The following RASGRP3 variants were observed in gnomAD, a reference collection of about 807,000 sequenced individuals.
The protein encoded by RASGRP3 is ras guanyl-releasing protein 3.
A neutral mutation model predicts 82.7 loss-of-function variants in RASGRP3; 54 were observed. The observed-to-expected ratio is 0.65, with a 90% confidence interval of 0.52 to 0.82. The LOEUF is 0.82. RASGRP3 is among the 40% of genes least tolerant of loss of function. The probability of loss-of-function intolerance (pLI) is 0.00; values close to 1 mark genes in which losing one functional copy is unlikely to be tolerated. For synonymous variants in RASGRP3, 309 were observed against 300.5 expected (o/e 1.03, Z -0.29); for missense variants, 861 against 828.9 (o/e 1.04, Z -0.48).
intron 2 of RASGRP3, among the ~76,000 whole-genome samples, chr2:33,512,498 A>G (rs1309629291): frequency 1.3e-5 from 2 of 152,228 alleles, no homozygotes; most frequent in Non-Finnish European, 2.9e-5. Context: ...TAGAGGAATC[A>G]GAGAAGTTCT....
At chr2:33,526,036 T>C (rs1200262596) in intron 9 of RASGRP3, among the ~76,000 whole-genome samples, 2 of 152,206 alleles carry the variant, frequency 1.3e-5, no homozygotes, top group Non-Finnish European at 2.9e-5. Context: ...TCATGAAAGT[T>C]GAAGATAGGG....
At chr2:33,493,960 A>G (rs1219129719) in intron 1 of RASGRP3, among the ~76,000 whole-genome samples, 1 of 152,158 alleles carries the variant, frequency 6.6e-6, no homozygotes, top group African/African-American at 2.4e-5. Context: ...AAGCAAATGC[A>G]TTAGTTCAAA....
intron 5 of RASGRP3, 106 bp from the exon 6 acceptor site, chr2:33,520,447 T>A (rs1329961181): frequency 2.9e-6 from 4 of 1,389,582 alleles, no homozygotes. Context: ...TGGTCCTGGA[T>A]GGTCCTGGAC....
intron 4 of RASGRP3, among the ~76,000 whole-genome samples, chr2:33,518,481 T>C (rs764788315): frequency 3.3e-5 from 5 of 152,182 alleles, no homozygotes; most frequent in Admixed American, 6.5e-5. Context: ...GTGTACAATA[T>C]TGTAGACTTT....
At chr2:33,540,606 C>A (rs1195654932) in intron 12 of RASGRP3, among the ~76,000 whole-genome samples, 2 of 86,158 alleles carry the variant, frequency 2.3e-5, no homozygotes, top group African/African-American at 3.7e-5. Flanking sequence ...GTGTGTGTGT[C>A]TGGGGAATTT....
At chr2:33,479,320 C>G (rs959315249) in intron 1 of RASGRP3, among the ~76,000 whole-genome samples, 1 of 152,140 alleles carries the variant, frequency 6.6e-6, no homozygotes, top group Admixed American at 6.5e-5. Context: ...CAACCGGGAA[C>G]TTTGTTATTA....
intron 10 of RASGRP3, chr2:33,531,079 A>G (rs1416168163): frequency 6.6e-6 from 1 of 152,244 alleles, no homozygotes; most frequent in Non-Finnish European, 1.5e-5. Context: ...AAGAAGAAGA[A>G]TAAGAAGAGT....
chr2:33,450,163 G>A (rs1053984037), intron 2 of RASGRP3, among the ~76,000 whole-genome samples: 1 of 152,028 alleles, frequency 6.6e-6, no homozygotes, highest in Non-Finnish European at 1.5e-5. Context: ...ATGATGTTTT[G>A]ATATATGTAT....
At chr2:33,437,837 AAG>A (rs1382547074) in intron 1 of RASGRP3, among the ~76,000 whole-genome samples, 3 of 152,338 alleles carry the variant, frequency 2.0e-5, no homozygotes, top group South Asian at 2.1e-4. Context: ...TAAAAAAAAA[AAG>A]AGAGGGAAAT....
chr2:33,526,145 A>C (rs1457518373), intron 9 of RASGRP3, among the ~76,000 whole-genome samples: 1 of 152,216 alleles, frequency 6.6e-6, no homozygotes, highest in East Asian at 1.9e-4. Context: ...TTGCCAGAGT[A>C]ATACAATGTA....
chr2:33,442,572 A>C lies in RASGRP3; in HGVS notation c.-384-5248A>C, dbSNP rs560018761. Among the ~76,000 whole-genome samples, 12 of 152,356 alleles carry C rather than the reference A, an allele frequency of 7.9e-5. 1 individual carries two copies. In the South Asian group the frequency reaches 2.5e-3, roughly 32 times the overall value. ...ATTGCCATTGACGGCCTCTCCTCCA[A>C]GTAAAGGGCTATATCCTGTTTGTGA... On this transcript the variant is annotated intron_variant, in intron 1 of 18. Transcript: ENST00000402538.
rs1266542679 is a variant in RASGRP3 at position 33,537,320 on chromosome 2, A to ACCACCCC, written c.1162-1772_1162-1771insACCCCCC. Among the ~76,000 whole-genome samples the ACCACCCC allele has an allele frequency of 2.1e-4, 7 of 33,336 alleles. 1 individual carries two copies. Among genetic ancestry groups the ACCACCCC allele is most frequent in the South Asian group, 7.8e-4 (1 of 1,286 alleles). The allele number at this position is 33,336 out of a possible 152,430, so 21.9% of individuals were successfully genotyped here. ...GTCTCTAAAATACACACACACACACACCGCCCCCCCCACACACACACACAA... is the reference window on the plus strand; with the variant it reads ...GTCTCTAAAATACACACACACACACACCACCCCCCGCCCCCCCCACACACACACACAA... On this transcript the variant is annotated intron_variant, in intron 11 of 17. Coordinates refer to ENST00000403687, the MANE Select transcript of RASGRP3 (RefSeq NM_001139488.2).
chr2:33,554,764 C>A (rs914278932), intron 14 of RASGRP3, among the ~76,000 whole-genome samples: 3 of 151,876 alleles, frequency 2.0e-5, no homozygotes, highest in Non-Finnish European at 4.4e-5. Flanking sequence ...TGAGCCACCG[C>A]GCCTGGCCAG....
intron 1 of RASGRP3, among the ~76,000 whole-genome samples, chr2:33,490,085 C>T (rs1668721169): frequency 6.6e-6 from 1 of 152,068 alleles, no homozygotes; most frequent in Non-Finnish European, 1.5e-5. Context: ...AACTATTATC[C>T]ATGTTTGTAA....
At chr2:33,494,405 C>T (rs1669126150) in intron 1 of RASGRP3, among the ~76,000 whole-genome samples, 1 of 152,176 alleles carries the variant, frequency 6.6e-6, no homozygotes, top group South Asian at 2.1e-4. Flanking sequence ...AAGTAGAGTA[C>T]CGGTTCAACT....
intron 1 of RASGRP3, among the ~76,000 whole-genome samples, chr2:33,488,399 A>G (rs928432576): frequency 1.3e-5 from 2 of 152,108 alleles, no homozygotes; most frequent in African/African-American, 4.8e-5. Flanking sequence ...TAATAATGGA[A>G]CACAGAAGAT....
intron 2 of RASGRP3, chr2:33,457,902 C>T (rs1319022369): frequency 2.0e-5 from 3 of 152,100 alleles, no homozygotes; most frequent in Admixed American, 2.0e-4. Flanking sequence ...GAATTTTCAG[C>T]AAATAGTCAC....
At chr2:33,473,186 C>A (rs1044718949), upstream of RASGRP3, among the ~76,000 whole-genome samples, 10 of 152,144 alleles carry the variant, frequency 6.6e-5, no homozygotes, top group African/African-American at 2.4e-4. Context: ...CATGGTGAAA[C>A]CCCATGTTAC....
At chr2:33,473,890 A>T (rs1667205482), upstream of RASGRP3, among the ~76,000 whole-genome samples, 1 of 152,158 alleles carries the variant, frequency 6.6e-6, no homozygotes, top group Non-Finnish European at 1.5e-5. Flanking sequence ...GAATGAGGGG[A>T]TGGAGATGAT....
Sources: allele counts gnomAD v4.1 joint callset (sites outside exome capture counted in the v4.1 genomes callset), GRCh38; gene constraint gnomAD v4.1.1; transcripts MANE v1.5; gene names NCBI Gene and HGNC (gene_info 2026-07-23, HGNC 2026-07-21).